NEO1: variants seen among roughly 807,000 people sequenced by gnomAD.
The protein encoded by NEO1 is neogenin.
In NEO1, 63 loss-of-function variants were observed where a neutral mutation model predicts 159.7. The observed-to-expected ratio is 0.39, with a 90% CI of 0.32 to 0.49. The LOEUF is 0.49. Ranked by LOEUF, NEO1 falls within the 20% of genes least tolerant of loss-of-function variation. The pLI is 0.85. For missense variants in NEO1, 1,615 were observed against 1,831.0 expected, an observed-to-expected ratio of 0.88 and a Z score of 2.15; for synonymous variants, 633 against 662.0, an observed-to-expected ratio of 0.96 and a Z score of 0.67.
chr15:73,215,200 G>A (rs529616531), intron 7 of NEO1, among the ~76,000 whole-genome samples: 18 of 152,232 alleles, frequency 1.2e-4, no homozygotes, highest in East Asian at 3.9e-4. Flanking sequence ...GGTTTTCAGC[G>A]TAAACTATCA....
intron 3 of NEO1, 57 bp from the exon 4 acceptor site, chr15:73,126,360 A>G: frequency 6.8e-7 from 1 of 1,480,250 alleles, no homozygotes. Context: ...GTGAGCCACC[A>G]TGTCCAGCCT....
intron 26 of NEO1, 113 bp from the exon 27 acceptor site, chr15:73,298,235 G>T: frequency 2.4e-6 from 3 of 1,271,778 alleles, no homozygotes; most frequent in Non-Finnish European, 3.3e-6. Context: ...GACTAGCACT[G>T]ATCGCAAGTG....
chr15:73,298,927 C>T (rs1053063109), intron 27 of NEO1, among the ~76,000 whole-genome samples: 1 of 152,116 alleles, frequency 6.6e-6, no homozygotes, highest in Non-Finnish European at 1.5e-5. Context: ...TCTAGTCTGC[C>T]CAGACCCCTG....
chr15:73,282,842 A>G lies in NEO1; in HGVS notation c.3263-122A>G, dbSNP rs528829713. On this transcript the variant is annotated intron_variant, in intron 22 of 28. Coordinates refer to ENST00000261908, the MANE Select transcript of NEO1 (RefSeq NM_002499.4). ...AGCCATGTTCACGCGGCACTTTTAT[A>G]TAAGTCAGAGCAATGAGTGTTATCA... The G allele has an allele frequency of 7.5e-6, 9 of 1,199,228 alleles. No homozygotes were observed. The East Asian group carries it at 1.9e-4, about 25-fold the overall frequency. 74.3% of individuals were successfully genotyped at this position (1,199,228 alleles called of 1,614,324 possible). A position where few individuals can be genotyped will look rare whatever the true frequency, so the allele number is the denominator to read the frequency against.
chr15:73,145,005 C>A (rs1405579235), intron 5 of NEO1, among the ~76,000 whole-genome samples: 1 of 152,100 alleles, frequency 6.6e-6, no homozygotes, highest in Non-Finnish European at 1.5e-5. Flanking sequence ...TAGTTCTAAC[C>A]TGGTCTCTCC....
intron 5 of NEO1, among the ~76,000 whole-genome samples, chr15:73,142,152 A>G (rs2032455240): frequency 6.6e-6 from 1 of 152,140 alleles, no homozygotes; most frequent in Non-Finnish European, 1.5e-5. Context: ...TTGGAAACTC[A>G]TATGTGATGT....
At position 73,296,222 on chromosome 15, in the gene NEO1, A is replaced by G. The variant is rs145329926; in HGVS notation, c.3902-2126A>G. On this transcript the variant is annotated intron_variant, in intron 26 of 28. Coordinates refer to ENST00000261908, the MANE Select transcript of NEO1 (RefSeq NM_002499.4). ...GGTTTGCCCAGAGCTGACCTAACAT[A>G]TCTGTCAGTACAGGCTGACATGGCC... Among the ~76,000 whole-genome samples the G allele has an allele frequency of 1.4e-4, 21 of 152,210 alleles. No homozygotes were observed. The East Asian group carries it at 4.1e-3, about 29-fold the overall frequency.
At position 73,236,303 on chromosome 15, in the gene NEO1, A is replaced by G. The variant is rs558571130; in HGVS notation, c.1292-44A>G. 110 of 1,614,018 alleles carry G rather than the reference A, an allele frequency of 6.8e-5. No homozygotes were observed. In the Admixed American group the frequency reaches 1.8e-3, roughly 26 times the overall value. On this transcript the variant is annotated intron_variant, in intron 7 of 28. Transcript: ENST00000261908. ...CATGACAAGATGTTGCCATCCCAACATTACCTCCCACTTCACTGACCAGTG... is the reference window on the plus strand; with the variant it reads ...CATGACAAGATGTTGCCATCCCAACGTTACCTCCCACTTCACTGACCAGTG...
chr15:73,182,618 C>T (rs1240981313), intron 7 of NEO1, among the ~76,000 whole-genome samples: 1 of 152,032 alleles, frequency 6.6e-6, no homozygotes, highest in African/African-American at 2.4e-5. Flanking sequence ...GCAAAAGGCA[C>T]ATGTTACATG....
rs376855741 is a variant in NEO1, at chr15:73,301,594, A to G, written c.4302+137A>G. On this transcript the variant is annotated intron_variant, in intron 28 of 28. Transcript: ENST00000261908. ...ATGAAGCAGATACACTCATTCATTC[A>G]GTAGATACAGTGTTGAGCATCTCTT... is the stretch of plus-strand genomic sequence containing the variant. 7 of 1,137,088 alleles carry G rather than the reference A, an allele frequency of 6.2e-6. No homozygotes were observed. In the African/African-American group the frequency reaches 7.7e-5, roughly 12 times the overall value. The allele number at this position is 1,137,088 out of a possible 1,614,324, so 70.4% of individuals were successfully genotyped here. A position where few individuals can be genotyped will look rare whatever the true frequency, so the allele number is the denominator to read the frequency against.
chr15:73,142,368 G>C (rs2032479034), intron 5 of NEO1, among the ~76,000 whole-genome samples: 2 of 148,636 alleles, frequency 1.3e-5, no homozygotes, highest in Non-Finnish European at 3.0e-5. Context: ...GGCTTTCATT[G>C]GGTGGTTAAG....
intron 22 of NEO1, among the ~76,000 whole-genome samples, chr15:73,279,910 A>G (rs11636241): frequency 0.43 from 65,138 of 152,078 alleles, 15,370 homozygotes; most frequent in Non-Finnish European, 0.53. Context: ...TAGAGAAAGG[A>G]TAGAGATTGA....
chr15:73,209,289 A>C (rs974270032), intron 7 of NEO1, among the ~76,000 whole-genome samples: 1 of 152,220 alleles, frequency 6.6e-6, no homozygotes, highest in African/African-American at 2.4e-5. Flanking sequence ...TGTATTTTTC[A>C]GTGGCTCCTT....
chr15:73,281,903 G>A (rs769272216), intron 22 of NEO1, among the ~76,000 whole-genome samples: 7 of 152,184 alleles, frequency 4.6e-5, no homozygotes, highest in Non-Finnish European at 8.8e-5. Context: ...AAAGCCTAGA[G>A]CTCATCCTTT....
rs1567608810 is a variant in NEO1 at position 73,253,361 on chromosome 15, ATTAAAAAAAAAATTTTTTTTTTTT to A, written c.1895-36_1895-13del. 7.1e-7 allele frequency: 1 copy of A among 1,414,410 alleles called. No homozygotes were observed. The highest frequency in any genetic ancestry group is 1.4e-5 in the African/African-American group (1 of 69,642). 87.6% of individuals were successfully genotyped at this position (1,414,410 alleles called of 1,614,324 possible). On this transcript the variant is annotated splice_polypyrimidine_tract_variant and intron_variant, in intron 11 of 28. Coordinates refer to ENST00000261908, the MANE Select transcript of NEO1 (RefSeq NM_002499.4). ...TCACATGATGGGTGATGTATGGGTG[ATTAAAAAAAAAATTTTTTTTTTTT>A]TTTTGTTTCTCTAGTTCCCAGTGCT...
intron 5 of NEO1, among the ~76,000 whole-genome samples, chr15:73,136,311 T>A (rs1482477777): frequency 6.6e-6 from 1 of 152,170 alleles, no homozygotes; most frequent in Non-Finnish European, 1.5e-5. Context: ...AGCTAATACT[T>A]ATAAAACCCC....
intron 2 of NEO1, among the ~76,000 whole-genome samples, chr15:73,122,063 G>GTGTATA (rs1290054672): frequency 1.9e-4 from 24 of 126,360 alleles, no homozygotes; most frequent in East Asian, 9.2e-4. Context: ...GTGTGTGTGT[G>GTGTATA]TATATATATA....
intron 1 of NEO1, among the ~76,000 whole-genome samples, chr15:73,104,961 A>T (rs1009487100): frequency 2.6e-5 from 4 of 152,198 alleles, no homozygotes; most frequent in Admixed American, 2.6e-4. Context: ...AACACTGGAG[A>T]TTATAATTCA....
rs554365687 is a variant in NEO1 at position 73,204,421 on chromosome 15, T to A, written c.1291+25994T>A. Among the ~76,000 whole-genome samples the A allele has an allele frequency of 1.5e-3, 233 of 152,290 alleles. 3 individuals are homozygous for A. Among genetic ancestry groups the A allele is most frequent in the Non-Finnish European group, 2.2e-3 (149 of 68,008 alleles). ...TCTCTTCTCTGATATTCCAATTAGA[T>A]GTACATTCCACTTTTTGATAATGCC... On this transcript the variant is annotated intron_variant, in intron 7 of 28. Coordinates refer to ENST00000261908, the MANE Select transcript of NEO1 (RefSeq NM_002499.4).
Sources: gnomAD v4.1 joint callset for allele counts (sites outside exome capture counted in the v4.1 genomes callset) on GRCh38, gnomAD v4.1.1 for gene constraint, MANE v1.5 for transcripts, NCBI Gene and HGNC (gene_info 2026-07-23, HGNC 2026-07-21) for gene names.